Variants in EXT1 observed in about 807,000 individuals in gnomAD.
EXT1 encodes exostosin glycosyltransferase 1.
Under a neutral mutation model 82.5 loss-of-function variants are expected in EXT1, and 20 were observed. The observed-to-expected ratio is 0.24, with a 90% confidence interval of 0.17 to 0.35. The LOEUF (loss-of-function observed/expected upper bound fraction) is 0.35. EXT1 is among the 10% of genes least tolerant of loss of function. The pLI, the probability that EXT1 is intolerant of heterozygous loss-of-function variation, is 1.00. For synonymous variants in EXT1, 348 were observed against 350.8 expected (o/e 0.99, Z 0.09); for missense variants, 757 against 936.5 (o/e 0.81, Z 2.50).
chr8:118,095,666 A>G (rs1817597198), intron 1 of EXT1, among the ~76,000 whole-genome samples: 1 of 152,250 alleles, frequency 6.6e-6, no homozygotes, highest in African/African-American at 2.4e-5. Context: ...TCAGATATAC[A>G]GACCTAGGAA....
intron 1 of EXT1, among the ~76,000 whole-genome samples, chr8:117,854,371 C>G (rs926236874): frequency 1.3e-5 from 2 of 152,048 alleles, no homozygotes; most frequent in African/African-American, 2.4e-5. Context: ...AAACCATTGC[C>G]ACCTCTAACT....
chr8:117,858,769 G>GC lies in EXT1; in HGVS notation c.963-21569dup, dbSNP rs1563582024. Among the ~76,000 whole-genome samples, 172 of 97,464 alleles carry GC rather than the reference G, an allele frequency of 1.8e-3. 2 individuals are homozygous for GC. Among genetic ancestry groups the GC allele is most frequent in the Non-Finnish European group, 1.8e-3 (88 of 47,954 alleles). The allele number at this position is 97,464 out of a possible 152,430, so 63.9% of individuals were successfully genotyped here. A position where few individuals can be genotyped will look rare whatever the true frequency, so the allele number is the denominator to read the frequency against. On this transcript the variant is annotated intron_variant, in intron 1 of 10. Coordinates refer to ENST00000378204, the MANE Select transcript of EXT1 (RefSeq NM_000127.3). ...GGAAGGAAGGAAGGAAGGAAGGAAG[G>GC]CAGGCAGGCAGGCAGGCAGGCAAGG... is the stretch of plus-strand genomic sequence containing the variant.
intron 1 of EXT1, among the ~76,000 whole-genome samples, chr8:118,029,626 C>T (rs998946111): frequency 6.6e-5 from 10 of 152,138 alleles, no homozygotes; most frequent in African/African-American, 2.2e-4. Context: ...TCTTATAGTG[C>T]TAAAGTTCTG....
intron 1 of EXT1, among the ~76,000 whole-genome samples, chr8:117,850,511 T>C (rs1173779738): frequency 1.3e-5 from 2 of 152,216 alleles, no homozygotes; most frequent in Non-Finnish European, 2.9e-5. Context: ...AAAACTTTTT[T>C]TCCCTGCTTA....
intron 1 of EXT1, among the ~76,000 whole-genome samples, chr8:118,085,179 A>G (rs1817394747): frequency 6.6e-6 from 1 of 152,202 alleles, no homozygotes; most frequent in Non-Finnish European, 1.5e-5. Flanking sequence ...TATCAAATGT[A>G]TATCATATAG....
intron 1 of EXT1, among the ~76,000 whole-genome samples, chr8:117,866,641 A>C (rs1008866512): frequency 6.6e-6 from 1 of 152,118 alleles, no homozygotes; most frequent in Non-Finnish European, 1.5e-5. Flanking sequence ...AATTTTATCC[A>C]TTGTTGGGTA....
At chr8:117,991,347 T>C (rs1026461146) in intron 1 of EXT1, among the ~76,000 whole-genome samples, 11 of 152,290 alleles carry the variant, frequency 7.2e-5, no homozygotes, top group Non-Finnish European at 1.5e-4. Context: ...CCCGACCAGC[T>C]TGCTGCCACT....
chr8:117,832,712 C>T (rs770620203), intron 3 of EXT1, among the ~76,000 whole-genome samples: 62 of 152,086 alleles, frequency 4.1e-4, no homozygotes, highest in Non-Finnish European at 7.4e-4. Flanking sequence ...TGTATTCTAC[C>T]GGCTTGTGAT....
At chr8:118,069,072 C>T (rs1563646191) in intron 1 of EXT1, among the ~76,000 whole-genome samples, 1 of 152,114 alleles carries the variant, frequency 6.6e-6, no homozygotes, top group African/African-American at 2.4e-5. Context: ...AATGGCAGTT[C>T]TTATTTACAC....
At chr8:117,927,310 T>C (rs1795234524) in intron 1 of EXT1, among the ~76,000 whole-genome samples, 1 of 145,936 alleles carries the variant, frequency 6.9e-6, no homozygotes, top group South Asian at 2.2e-4. Context: ...TTACACTGCA[T>C]AGGCCTAGTT....
chr8:117,933,617 A>G (rs1458721938), intron 1 of EXT1, among the ~76,000 whole-genome samples: 1 of 152,188 alleles, frequency 6.6e-6, no homozygotes, highest in Non-Finnish European at 1.5e-5. Flanking sequence ...CTACTAGAAT[A>G]TAAGCACCGT....
chr8:117,883,291 G>T lies in EXT1; in HGVS notation c.963-46090C>A, dbSNP rs113774153. Among the ~76,000 whole-genome samples the T allele has an allele frequency of 3.4e-3, 522 of 152,260 alleles. 5 individuals carry two copies. In the East Asian group the frequency reaches 0.043, roughly 13 times the overall value. On this transcript the variant is annotated intron_variant, in intron 1 of 10. Transcript: ENST00000378204. ...TAGTCCTGGGCACCCAGCCTTTGAG[G>T]AGGAAAAAGTCAACTTTTAAGGTTC... is the stretch of plus-strand genomic sequence containing the variant.
intron 1 of EXT1, among the ~76,000 whole-genome samples, chr8:117,846,723 A>G (rs1812368126): frequency 6.6e-6 from 1 of 152,128 alleles, no homozygotes; most frequent in African/African-American, 2.4e-5. Flanking sequence ...CTCTAAGCCA[A>G]TGGGACTGGT....
chr8:118,074,862 A>C (rs183373399), intron 1 of EXT1, among the ~76,000 whole-genome samples: 20 of 152,344 alleles, frequency 1.3e-4, no homozygotes, highest in Admixed American at 1.2e-3. Context: ...TGAGGGTCAC[A>C]GCTTGCTCTG....
chr8:117,955,081 A>G (rs1208430502), intron 1 of EXT1, among the ~76,000 whole-genome samples: 1 of 152,216 alleles, frequency 6.6e-6, no homozygotes, highest in Non-Finnish European at 1.5e-5. Flanking sequence ...TTACTGATTT[A>G]TTAAAAAGGA....
chr8:118,024,983 A>G (rs1452892697), intron 1 of EXT1, among the ~76,000 whole-genome samples: 4 of 152,204 alleles, frequency 2.6e-5, no homozygotes, highest in Admixed American at 6.5e-5. Context: ...GTGTGTTTCT[A>G]TGTACGTGTA....
chr8:118,106,744 A>G (rs968716327), intron 1 of EXT1, among the ~76,000 whole-genome samples: 2 of 152,332 alleles, frequency 1.3e-5, no homozygotes, highest in East Asian at 1.9e-4. Flanking sequence ...CAATAATTCT[A>G]TAAGGATGCA....
intron 1 of EXT1, among the ~76,000 whole-genome samples, chr8:117,909,131 C>CA (rs34555532): frequency 0.26 from 38,795 of 147,576 alleles, 5,607 homozygotes; most frequent in East Asian, 0.37. Flanking sequence ...GACTCTGTCT[C>CA]AAAAAAAAAA....
At chr8:118,023,710 A>C (rs1325304368) in intron 1 of EXT1, among the ~76,000 whole-genome samples, 7 of 152,382 alleles carry the variant, frequency 4.6e-5, no homozygotes. Flanking sequence ...CTAAAGAGGT[A>C]GATGAAGAAA....
Sources: gnomAD v4.1 joint callset for allele counts (sites outside exome capture counted in the v4.1 genomes callset) on GRCh38, gnomAD v4.1.1 for gene constraint, MANE v1.5 for transcripts, NCBI Gene and HGNC (gene_info 2026-07-23, HGNC 2026-07-21) for gene names.